Variants in SENP5 observed in about 807,000 individuals in gnomAD.
SENP5 encodes sentrin-specific protease 5.
Under a neutral mutation model 74.2 loss-of-function variants are expected in SENP5, and 21 were observed. That is an observed-to-expected ratio of 0.28 (90% CI 0.20 to 0.41). The LOEUF is 0.41. Ranked by LOEUF, SENP5 falls within the 10% of genes least tolerant of loss-of-function variation. The pLI, the probability that SENP5 is intolerant of heterozygous loss-of-function variation, is 1.00. For synonymous variants in SENP5, 311 were observed against 312.7 expected, an observed-to-expected ratio of 0.99 and a Z score of 0.06; for missense variants, 717 against 889.1, an observed-to-expected ratio of 0.81 and a Z score of 2.46.
intron 2 of SENP5, among the ~76,000 whole-genome samples, chr3:196,896,884 G>T (rs183106196): frequency 2.6e-5 from 4 of 152,294 alleles, no homozygotes; most frequent in East Asian, 3.9e-4. Flanking sequence ...AGATAATGGT[G>T]TGTGTAAGTG....
At chr3:196,921,310 G>A (rs922843533) in intron 6 of SENP5, among the ~76,000 whole-genome samples, 22 of 152,210 alleles carry the variant, frequency 1.4e-4, no homozygotes, top group African/African-American at 5.3e-4. Flanking sequence ...CACTACCTCA[G>A]CCACCCCTGT....
rs1456753864 is a variant in SENP5, at chr3:196,886,243, C to T, written c.1062C>T (p.Asn354=). The change falls in exon 2 of 10, where the codon AAC becomes AAT. Residue 354 remains asparagine, a synonymous_variant. Transcript: ENST00000323460. ...ACCAACAGAATGGCAGTGCCACAAA[C>T]GCCTGGGACCAGTCATCCTGTTCTT... ...FPDQQNGSAT[N]AWDQSSCSSP... 8.1e-6 allele frequency: 13 copies of T among 1,614,116 alleles called. No individual in the cohort carries two copies. The highest frequency in any genetic ancestry group is 4.4e-5 in the South Asian group (4 of 91,066).
chr3:196,897,900 G>A (rs1323102884), intron 2 of SENP5, among the ~76,000 whole-genome samples: 3 of 151,982 alleles, frequency 2.0e-5, no homozygotes, highest in Non-Finnish European at 4.4e-5. Context: ...GGCCAGGCGC[G>A]GTGGCTCACA....
chr3:196,876,831 C>T (rs898581857), intron 1 of SENP5, among the ~76,000 whole-genome samples: 2 of 151,842 alleles, frequency 1.3e-5, no homozygotes, highest in African/African-American at 4.8e-5. Context: ...TCTGATTGCA[C>T]CAGTGCACTC....
chr3:196,876,268 G>A (rs1286185862), intron 1 of SENP5, among the ~76,000 whole-genome samples: 3 of 152,042 alleles, frequency 2.0e-5, no homozygotes, highest in Non-Finnish European at 4.4e-5. Flanking sequence ...TGGGCCAGGC[G>A]CTGTGGCTCA....
rs563342772 is a variant in SENP5, at chr3:196,881,166, T to C, written c.-31-3985T>C. Reference sequence around the variant, plus strand: ...TTTCATCATGTTGCCCAGAGTGGTCTCAAACTCCTGGGCTCAAACAGTCCA... The same window carrying C: ...TTTCATCATGTTGCCCAGAGTGGTCCCAAACTCCTGGGCTCAAACAGTCCA... On this transcript the variant is annotated intron_variant, in intron 1 of 9. Transcript: ENST00000323460. Among the ~76,000 whole-genome samples, 34 of 152,110 alleles carry C rather than the reference T, an allele frequency of 2.2e-4. No individual in the cohort carries two copies. In the East Asian group the frequency reaches 6.6e-3, roughly 29 times the overall value.
intron 1 of SENP5, among the ~76,000 whole-genome samples, chr3:196,870,481 ATTTT>A (rs1713165247): frequency 6.6e-6 from 1 of 151,954 alleles, no homozygotes; most frequent in East Asian, 1.9e-4. Flanking sequence ...ATACTAAATT[ATTTT>A]TTCTCTAAAA....
At chr3:196,925,476 G>T (rs1239347384) in intron 7 of SENP5, among the ~76,000 whole-genome samples, 1 of 152,178 alleles carries the variant, frequency 6.6e-6, no homozygotes, top group Non-Finnish European at 1.5e-5. Flanking sequence ...GACCTGCAAA[G>T]GTATAACCAA....
intron 6 of SENP5, chr3:196,914,436 T>G (rs188050540): frequency 4.8e-4 from 72 of 150,626 alleles, no homozygotes; most frequent in Admixed American, 3.6e-3. Flanking sequence ...GTGATTGATG[T>G]CTCCCTCCAA....
intron 6 of SENP5, among the ~76,000 whole-genome samples, chr3:196,922,706 C>T (rs929816593): frequency 7.2e-5 from 11 of 152,186 alleles, no homozygotes; most frequent in Non-Finnish European, 1.3e-4. Flanking sequence ...GTGCAACCTC[C>T]GCCTCCCAGG....
At chr3:196,897,273 A>G (rs545940821) in intron 2 of SENP5, among the ~76,000 whole-genome samples, 5 of 152,312 alleles carry the variant, frequency 3.3e-5, no homozygotes, top group African/African-American at 1.2e-4. Context: ...CCATTCCCCC[A>G]TGTAGACACA....
chr3:196,891,815 G>T (rs570690579), intron 2 of SENP5, among the ~76,000 whole-genome samples: 2 of 152,202 alleles, frequency 1.3e-5, no homozygotes, highest in African/African-American at 4.8e-5. Context: ...TTTTGAGACG[G>T]AGTCTCACTC....
chr3:196,929,476 C>T lies in SENP5; in HGVS notation c.2107-157C>T, dbSNP rs192005866. 7.5e-5 allele frequency: 41 copies of T among 548,312 alleles called. No homozygotes were observed. In the East Asian group the frequency reaches 1.3e-3, roughly 18 times the overall value. 34.0% of individuals were successfully genotyped at this position (548,312 alleles called of 1,614,324 possible). On this transcript the variant is annotated intron_variant, in intron 8 of 9. Coordinates refer to ENST00000323460, the MANE Select transcript of SENP5 (RefSeq NM_152699.5). The stretch of plus-strand genomic sequence containing the variant: ...ATAGCTCTTTTTATGTGGCCAGGTG[C>T]CTCCATAAAATTAGATGCTTGAGAT...
rs933159393 is a variant in SENP5 at position 196,899,259 on chromosome 3, T to G, written c.1514-407T>G. Among the ~76,000 whole-genome samples the G allele has an allele frequency of 3.2e-4, 49 of 152,166 alleles. 2 individuals carry two copies. Among genetic ancestry groups the G allele is most frequent in the Non-Finnish European group, 4.4e-4 (30 of 68,028 alleles). The stretch of plus-strand genomic sequence containing the variant: ...AGTGATCTCATCAGTTAATGCTAAT[T>G]GTGATTTTAAAATAATAATTCTTTC... On this transcript the variant is annotated intron_variant, in intron 2 of 9. Transcript: ENST00000323460.
At chr3:196,889,753 A>G (rs1426130124) in intron 2 of SENP5, among the ~76,000 whole-genome samples, 1 of 152,226 alleles carries the variant, frequency 6.6e-6, no homozygotes, top group Non-Finnish European at 1.5e-5. Context: ...TCAGAAACTG[A>G]GAATCAGCTC....
intron 1 of SENP5, among the ~76,000 whole-genome samples, chr3:196,872,307 T>C (rs1713250863): frequency 6.6e-6 from 1 of 152,176 alleles, no homozygotes; most frequent in Non-Finnish European, 1.5e-5. Context: ...AGGAAACGCA[T>C]GTGAAGTTTG....
At chr3:196,911,906 A>G (rs1435094973) in intron 6 of SENP5, among the ~76,000 whole-genome samples, 1 of 152,260 alleles carries the variant, frequency 6.6e-6, no homozygotes, top group African/African-American at 2.4e-5. Context: ...CAGAAATGAC[A>G]ATTATTAAAA....
At chr3:196,869,723 C>T (rs1322488849) in intron 1 of SENP5, among the ~76,000 whole-genome samples, 1 of 136,992 alleles carries the variant, frequency 7.3e-6, no homozygotes, top group African/African-American at 2.7e-5. Flanking sequence ...AGTGCCATTA[C>T]ACTCCAGCCT....
chr3:196,882,804 C>G (rs946801300), intron 1 of SENP5, among the ~76,000 whole-genome samples: 1 of 152,140 alleles, frequency 6.6e-6, no homozygotes, highest in African/African-American at 2.4e-5. Context: ...ATGCCCAGCC[C>G]GTCTAGTTGT....
Sources: allele counts gnomAD v4.1 joint callset (sites outside exome capture counted in the v4.1 genomes callset), GRCh38; gene constraint gnomAD v4.1.1; transcripts MANE v1.5; gene names NCBI Gene and HGNC (gene_info 2026-07-23, HGNC 2026-07-21).